Variants in SYN3 observed in about 807,000 individuals in gnomAD.
SYN3 encodes synapsin-3.
In SYN3, 35 loss-of-function variants were observed where a neutral mutation model predicts 65.8. The ratio of observed to expected loss-of-function variants is 0.53; its 90% confidence interval spans 0.41 to 0.70. SYN3 has a LOEUF of 0.70. Among genes scored for constraint, SYN3 ranks in the 30% least tolerant of loss-of-function variants. The pLI is 0.00. For synonymous variants in SYN3, 270 were observed against 292.9 expected (o/e 0.92, Z 0.80); for missense variants, 680 against 749.0 (o/e 0.91, Z 1.08).
At position 32,596,722 on chromosome 22, in the gene SYN3, G is replaced by C. The variant is rs2059205813; in HGVS notation, c.726C>G (p.His242Gln). ...PNHKPMVTAPHFPVVVKLGHA... is the reference protein window; with the variant it reads ...PNHKPMVTAPQFPVVVKLGHA... ...GTCCCAGCTTGACTACCACCGGGAA[G>C]TGTGGGGCTGTGACCTGAAAGAGAC... Residue 242 changes from histidine to glutamine, a missense_variant, in exon 7 of 14, where the codon CAC becomes CAG. Coordinates refer to ENST00000358763, the MANE Select transcript of SYN3 (RefSeq NM_003490.4). The C allele has an allele frequency of 6.2e-7, 1 of 1,613,922 alleles. No individual in the cohort carries two copies. The highest frequency in any genetic ancestry group is 2.2e-5 in the East Asian group (1 of 44,900).
At chr22:32,644,073 C>CAAAAAAA (rs1175308291) in intron 6 of SYN3, among the ~76,000 whole-genome samples, 2 of 3,912 alleles carry the variant, frequency 5.1e-4, no homozygotes, top group Admixed American at 7.7e-3. Context: ...GACTCTGCCT[C>CAAAAAAA]AAAAAAAAAA....
chr22:32,833,991 T>C (rs187562440), intron 6 of SYN3: 91 of 455,490 alleles, frequency 2.0e-4, no homozygotes, highest in African/African-American at 1.8e-3. Context: ...TCCTGCTTTC[T>C]GTGTCAGTGT....
intron 6 of SYN3, among the ~76,000 whole-genome samples, chr22:32,762,176 G>T (rs1033716656): frequency 6.6e-6 from 1 of 152,216 alleles, no homozygotes; most frequent in African/African-American, 2.4e-5. Context: ...GCGCCATCTT[G>T]CTCCCTGTCC....
At chr22:32,719,264 G>T (rs932281684) in intron 6 of SYN3, among the ~76,000 whole-genome samples, 3 of 152,190 alleles carry the variant, frequency 2.0e-5, no homozygotes, top group Admixed American at 6.5e-5. Flanking sequence ...TCAGTTCCTG[G>T]CATAATTCCT....
chr22:32,658,934 G>A (rs1390508818), intron 6 of SYN3, among the ~76,000 whole-genome samples: 1 of 152,152 alleles, frequency 6.6e-6, no homozygotes, highest in Non-Finnish European at 1.5e-5. Context: ...CATGACAGGC[G>A]CTATTCGGAC....
At position 32,988,313 on chromosome 22, in the gene SYN3, T is replaced by C. The variant is rs241718; in HGVS notation, c.312-7611A>G. On this transcript the variant is annotated intron_variant, in intron 2 of 13. Coordinates refer to ENST00000358763, the MANE Select transcript of SYN3 (RefSeq NM_003490.4). ...AGAGCAAGACTCTGTCTCAAAATAA[T>C]AATAATAATAATAATAATAATAATA... 1.5e-3 allele frequency among the ~76,000 whole-genome samples: 78 copies of C among 53,358 alleles called. 5 individuals are homozygous for C. Among genetic ancestry groups the C allele is most frequent in the South Asian group, 3.6e-3 (6 of 1,656 alleles). 35.0% of individuals were successfully genotyped at this position (53,358 alleles called of 152,430 possible).
At chr22:32,991,595 G>A (rs1025555194) in intron 2 of SYN3, among the ~76,000 whole-genome samples, 1 of 152,084 alleles carries the variant, frequency 6.6e-6, no homozygotes, top group Non-Finnish European at 1.5e-5. Flanking sequence ...CTGTCATAGA[G>A]CCTATGCTGC....
chr22:32,679,838 G>GTTTTTTTTTTTTTTTTTTTT (rs2060497017), intron 6 of SYN3, among the ~76,000 whole-genome samples: 3 of 6,552 alleles, frequency 4.6e-4, no homozygotes, highest in South Asian at 3.4e-3. Flanking sequence ...TTGTTTTTTG[G>GTTTTTTTTTTTTTTTTTTTT]CTTTTTTTTT....
chr22:32,680,860 C>T (rs2060513206), intron 6 of SYN3, among the ~76,000 whole-genome samples: 2 of 152,230 alleles, frequency 1.3e-5, no homozygotes, highest in African/African-American at 4.8e-5. Context: ...CTATTGCTAA[C>T]ATCAAATGTC....
intron 7 of SYN3, among the ~76,000 whole-genome samples, chr22:32,591,488 C>T (rs780097681): frequency 6.6e-6 from 1 of 152,176 alleles, no homozygotes. Context: ...ATTTATGACT[C>T]TAAGAAGTTC....
intron 6 of SYN3, among the ~76,000 whole-genome samples, chr22:32,770,888 T>TTAACACATATGTGTTCAATTAACACA (rs2045751051): frequency 1.7e-5 from 1 of 60,466 alleles, no homozygotes; most frequent in African/African-American, 1.5e-4. Flanking sequence ...TGTTCAGTTA[T>TTAACACATATGTGTTCAATTAACACA]TATTATTATT....
At chr22:32,836,554 C>T (rs1012405395) in intron 6 of SYN3, among the ~76,000 whole-genome samples, 2 of 152,134 alleles carry the variant, frequency 1.3e-5, no homozygotes, top group Non-Finnish European at 2.9e-5. Context: ...ATCATTCCTC[C>T]GCACCTTCAG....
intron 6 of SYN3, among the ~76,000 whole-genome samples, chr22:32,720,883 T>C (rs995702381): frequency 1.3e-5 from 2 of 152,122 alleles, no homozygotes; most frequent in African/African-American, 4.8e-5. Flanking sequence ...AGTGGGGACA[T>C]TGCTCTTGCC....
At chr22:32,563,960 C>T (rs1432598569) in intron 7 of SYN3, among the ~76,000 whole-genome samples, 8 of 152,164 alleles carry the variant, frequency 5.3e-5, no homozygotes, top group African/African-American at 1.2e-4. Context: ...TGAGCCACTG[C>T]GCCCGGCCCC....
intron 6 of SYN3, among the ~76,000 whole-genome samples, chr22:32,627,746 A>G (rs1388252337): frequency 6.6e-6 from 1 of 152,008 alleles, no homozygotes; most frequent in African/African-American, 2.4e-5. Context: ...ACACACACAT[A>G]TGCAGGCTTG....
intron 6 of SYN3, among the ~76,000 whole-genome samples, chr22:32,619,235 G>C (rs1407116318): frequency 1.3e-5 from 2 of 152,170 alleles, no homozygotes; most frequent in African/African-American, 4.8e-5. Context: ...CCATATGATC[G>C]TGGCTAAGTC....
chr22:32,555,729 A>T (rs1035972603), intron 7 of SYN3, among the ~76,000 whole-genome samples: 8 of 152,202 alleles, frequency 5.3e-5, no homozygotes, highest in African/African-American at 1.4e-4. Flanking sequence ...AGTTGGAGAT[A>T]ATAAAACCAT....
chr22:32,842,507 A>G (rs1320014627), intron 6 of SYN3, among the ~76,000 whole-genome samples: 1 of 152,212 alleles, frequency 6.6e-6, no homozygotes, highest in African/African-American at 2.4e-5. Context: ...CTGAATCACA[A>G]GAATCTTTCG....
chr22:32,988,388 A>G (rs374219124), intron 2 of SYN3, among the ~76,000 whole-genome samples: 10 of 151,370 alleles, frequency 6.6e-5, no homozygotes, highest in African/African-American at 2.2e-4. Flanking sequence ...AATAAAATGC[A>G]CAACCAATGT....
Sources: allele counts gnomAD v4.1 joint callset (sites outside exome capture counted in the v4.1 genomes callset), GRCh38; gene constraint gnomAD v4.1.1; transcripts MANE v1.5; gene names NCBI Gene and HGNC (gene_info 2026-07-23, HGNC 2026-07-21).